DERL2: variants seen among roughly 807,000 people sequenced by gnomAD.
The protein encoded by DERL2 is derlin-2.
A neutral mutation model predicts 32.0 loss-of-function variants in DERL2; 13 were observed. That is an observed-to-expected ratio of 0.41 (90% CI 0.26 to 0.65). DERL2 has a LOEUF of 0.65. DERL2 is among the 30% of genes least tolerant of loss of function. The pLI, the probability that DERL2 is intolerant of heterozygous loss-of-function variation, is 0.35. For missense variants in DERL2, 208 were observed against 296.3 expected (o/e 0.70, Z 2.19); for synonymous variants, 111 against 104.7 (o/e 1.06, Z -0.37).
In DERL2 at chr17:5,485,249, C is replaced by CAACA. The variant is rs66536316; in HGVS notation, c.94-34_94-33insTGTT. 2.9e-6 allele frequency: 4 copies of CAACA among 1,391,782 alleles called. No homozygotes were observed. The African/African-American group carries it at 1.2e-4, about 43-fold the overall frequency. The allele number at this position is 1,391,782 out of a possible 1,614,324, so 86.2% of individuals were successfully genotyped here. A position where few individuals can be genotyped will look rare whatever the true frequency, so the allele number is the denominator to read the frequency against. On this transcript the variant is annotated intron_variant, in intron 1 of 6. Coordinates refer to ENST00000158771, the MANE Select transcript of DERL2 (RefSeq NM_016041.5). ...AGAAAAAGAGCTTCTTAAAGCAAAT[C>CAACA]AAGAAACAAAATTTCATCATTTACA...
chr17:5,483,874 A>G (rs1463082116), intron 2 of DERL2, among the ~76,000 whole-genome samples: 1 of 152,238 alleles, frequency 6.6e-6, no homozygotes, highest in African/African-American at 2.4e-5. Flanking sequence ...GTGCGAACAC[A>G]GTGACAAGAG....
upstream of DERL2, chr17:5,486,643 A>T (rs1383177079): frequency 1.3e-5 from 2 of 154,082 alleles, no homozygotes; most frequent in Admixed American, 6.5e-5. Context: ...GGTGGCGGGA[A>T]GCCTGTGTGT....
chr17:5,480,663 T>C (rs1905717808), intron 4 of DERL2, 81 bp from the exon 5 acceptor site: 3 of 1,246,028 alleles, frequency 2.4e-6, no homozygotes, highest in Non-Finnish European at 3.2e-6. Flanking sequence ...GATTGTGTTC[T>C]AACAGAAGTT....
At position 5,480,097 on chromosome 17, in the gene DERL2, T is replaced by A. The variant is rs1391639407; in HGVS notation, c.571A>T (p.Asn191Tyr). 1 of 1,610,932 alleles carries A rather than the reference T, an allele frequency of 6.2e-7. No individual in the cohort carries two copies. The highest frequency in any genetic ancestry group is 8.5e-7 in the Non-Finnish European group (1 of 1,177,498). ...AGAATTCTTATTCCACCAGGTTGAT[T>A]GGGAAATACATCTTCCAAGAAAAAA... ...IYFFLEDVFPNQPGGIRILKT... is the reference protein window; with the variant it reads ...IYFFLEDVFPYQPGGIRILKT... The change falls in exon 6 of 7, where the codon AAT (asparagine) becomes TAT (tyrosine). Residue 191 changes from asparagine (N) to tyrosine (Y), a missense_variant. By Grantham distance (143) the Asn-to-Tyr change is moderately radical. Coordinates refer to ENST00000158771, the MANE Select transcript of DERL2 (RefSeq NM_016041.5).
intron 2 of DERL2, among the ~76,000 whole-genome samples, chr17:5,484,782 A>C (rs1302574470): frequency 3.3e-5 from 5 of 152,250 alleles, no homozygotes; most frequent in Non-Finnish European, 7.3e-5. Context: ...ACAACCCCTA[A>C]GCAGCTAGCT....
rs180945979 is a variant in DERL2 at position 5,472,464 on chromosome 17, T to C, written c.*2220A>G. The C allele has an allele frequency of 3.5e-4, 54 of 152,292 alleles. No homozygotes were observed. Among genetic ancestry groups the C allele is most frequent in the Admixed American group, 9.8e-4 (15 of 15,296 alleles). 9.4% of individuals were successfully genotyped at this position (152,292 alleles called of 1,614,324 possible). On this transcript the variant is annotated 3_prime_UTR_variant, in exon 7 of 7. Coordinates refer to ENST00000158771, the MANE Select transcript of DERL2 (RefSeq NM_016041.5). ...GGCTGGCCAAACTGATGAGAGGTGA[T>C]TGAAATTACCACTGCTCAGGACACA...
chr17:5,485,964 C>CCGGGACCAGCCCCT (rs1487821683), intron 1 of DERL2, 105 bp downstream of exon 1: 1 of 1,046,234 alleles, frequency 9.6e-7, no homozygotes, highest in Non-Finnish European at 1.4e-6. Flanking sequence ...CCACCCATCC[C>CCGGGACCAGCCCCT]CGGGACCAGC....
rs552621766 is a variant in DERL2 at position 5,472,811 on chromosome 17, G to A, written c.*1873C>T. 1 of 151,034 alleles carries A rather than the reference G, an allele frequency of 6.6e-6. No homozygotes were observed. Among genetic ancestry groups the A allele is most frequent in the African/African-American group, 2.4e-5 (1 of 41,092 alleles). 9.4% of individuals were successfully genotyped at this position (151,034 alleles called of 1,614,324 possible). A position where few individuals can be genotyped will look rare whatever the true frequency, so the allele number is the denominator to read the frequency against. On this transcript the variant is annotated 3_prime_UTR_variant, in exon 7 of 7. Transcript: ENST00000158771. ...AACAAAAAACAAAATTCTAACAAAC[G>A]TCACTGATAAAGCGTTCTTGAGCAA...
rs1905125896 is a variant in DERL2 at position 5,471,498 on chromosome 17, G to A, written c.*3186C>T. 1 of 152,160 alleles carries A rather than the reference G, an allele frequency of 6.6e-6. No individual in the cohort carries two copies. Among genetic ancestry groups the A allele is most frequent in the Non-Finnish European group, 1.5e-5 (1 of 68,028 alleles). The allele number at this position is 152,160 out of a possible 1,614,324, so 9.4% of individuals were successfully genotyped here. ...GGATTCAGAGACAGACAATAAAATA[G>A]GCCTTAGAGTCAAGATTTTTTGAGG... is the stretch of plus-strand genomic sequence containing the variant. On this transcript the variant is annotated 3_prime_UTR_variant, in exon 7 of 7. Coordinates refer to ENST00000158771, the MANE Select transcript of DERL2 (RefSeq NM_016041.5).
intron 5 of DERL2, 46 bp downstream of exon 5, chr17:5,480,341 A>G (rs769947927): frequency 6.4e-7 from 1 of 1,550,616 alleles, no homozygotes; most frequent in African/African-American, 1.4e-5. Context: ...GTAACAAAAT[A>G]CTTTTACAGG....
In DERL2 at chr17:5,480,476, C is replaced by T. The variant is rs1416849886; in HGVS notation, c.434G>A (p.Gly145Asp). Residue 145 changes from glycine to aspartate, a missense_variant, in exon 5 of 7, where the codon GGC (glycine) becomes GAC (aspartate). Gly to Asp is a moderately conservative substitution (Grantham distance 94). Transcript: ENST00000158771. ...AAAGGGGGCCTGGAAGTTGAGAAGG[C>T]CGAAGAAGTTCATGCGGACATAGGG... ...RNPYVRMNFFGLLNFQAPFLP... is the reference protein window; with the variant it reads ...RNPYVRMNFFDLLNFQAPFLP... 1 of 1,612,728 alleles carries T rather than the reference C, an allele frequency of 6.2e-7. No individual in the cohort carries two copies. The highest frequency in any genetic ancestry group is 2.2e-5 in the East Asian group (1 of 44,830).
At position 5,472,378 on chromosome 17, in the gene DERL2, T is replaced by C. The variant is rs902867933; in HGVS notation, c.*2306A>G. ...TGGGGAGAAAGTAAGGACTTTTCCTTATGTCCATTCAAGCACAGGTATCCT... is the reference window on the plus strand; with the variant it reads ...TGGGGAGAAAGTAAGGACTTTTCCTCATGTCCATTCAAGCACAGGTATCCT... On this transcript the variant is annotated 3_prime_UTR_variant, in exon 7 of 7. Coordinates refer to ENST00000158771, the MANE Select transcript of DERL2 (RefSeq NM_016041.5). 1.5e-4 allele frequency: 23 copies of C among 152,136 alleles called. No individual in the cohort carries two copies. Among genetic ancestry groups the C allele is most frequent in the African/African-American group, 4.3e-4 (18 of 41,410 alleles). The allele number at this position is 152,136 out of a possible 1,614,324, so 9.4% of individuals were successfully genotyped here.
Position 5,474,769 on chromosome 17 carries a change from G to T in DERL2, c.635C>A (p.Pro212Gln). 6.2e-7 allele frequency: 1 copy of T among 1,613,290 alleles called. No individual in the cohort carries two copies. Among genetic ancestry groups the T allele is most frequent in the South Asian group, 1.1e-5 (1 of 90,988 alleles). The change falls in exon 7 of 7, where the codon CCA (proline) becomes CAA (glutamine). Residue 212 changes from proline (P) to glutamine (Q), a missense_variant. Physicochemically the swap from Pro to Gln is moderately conservative, Grantham distance 76. Transcript: ENST00000158771. The surrounding 1 kb of genome is among the most constrained non-coding windows in gnomAD (Gnocchi z 4.3). ...TGGATTGTAATTTGGATCCTCATCT[G>T]GTGTATCAAAAATAGCTTTCCTAAA... The part of the protein sequence containing the change: ...PSILKAIFDT[P>Q]DEDPNYNPLP...
At chr17:5,478,776 C>T (rs1169697844) in intron 6 of DERL2, among the ~76,000 whole-genome samples, 1 of 152,196 alleles carries the variant, frequency 6.6e-6, no homozygotes, top group Non-Finnish European at 1.5e-5. Context: ...TTTTATAACA[C>T]TTCAGGGTGG....
intron 6 of DERL2, among the ~76,000 whole-genome samples, chr17:5,479,789 T>C (rs1905649620): frequency 6.6e-6 from 1 of 152,170 alleles, no homozygotes; most frequent in Non-Finnish European, 1.5e-5. Flanking sequence ...CCTACCAGAA[T>C]AGAAGTTCTA....
At position 5,474,662 on chromosome 17, in the gene DERL2, T is replaced by C; in HGVS notation, c.*22A>G. ...TATCACCGAGTCCTTCCCAGCTGGGTCTCATTATTGGCACTGCTGCTTTAA... is the reference window on the plus strand; with the variant it reads ...TATCACCGAGTCCTTCCCAGCTGGGCCTCATTATTGGCACTGCTGCTTTAA... On this transcript the variant is annotated 3_prime_UTR_variant, in exon 7 of 7. Coordinates refer to ENST00000158771, the MANE Select transcript of DERL2 (RefSeq NM_016041.5). The surrounding 1 kb of genome is among the most constrained non-coding windows in gnomAD (Gnocchi z 4.3). The C allele has an allele frequency of 6.3e-7, 1 of 1,579,124 alleles. No individual in the cohort carries two copies. The highest frequency in any genetic ancestry group is 8.6e-7 in the Non-Finnish European group (1 of 1,156,548).
chr17:5,477,725 T>C (rs1905484891), intron 6 of DERL2, among the ~76,000 whole-genome samples: 1 of 152,022 alleles, frequency 6.6e-6, no homozygotes, highest in South Asian at 2.1e-4. Flanking sequence ...AGGAAACCAA[T>C]AGGAAAAAAG....
At chr17:5,486,306 G>C, upstream of DERL2, 1 of 602,008 alleles carries the variant, frequency 1.7e-6, no homozygotes, top group Non-Finnish European at 2.8e-6. Context: ...ACCGCAATCC[G>C]TAGAGACCTA....
At chr17:5,480,622 T>G in intron 4 of DERL2, 40 bp from the exon 5 acceptor site, 1 of 1,439,752 alleles carries the variant, frequency 6.9e-7, no homozygotes, top group South Asian at 1.6e-5. Flanking sequence ...CATTAAAAGT[T>G]TAATAGGAAA....
Sources: allele counts gnomAD v4.1 joint callset (sites outside exome capture counted in the v4.1 genomes callset), GRCh38; gene constraint gnomAD v4.1.1; non-coding constraint Gnocchi (gnomAD v3.1); transcripts MANE v1.5; gene names NCBI Gene and HGNC (gene_info 2026-07-23, HGNC 2026-07-21).